Variants in ARHGAP42 observed in about 807,000 individuals in gnomAD.
ARHGAP42 encodes the protein Rho GTPase activating protein 42.
ARHGAP42 carries 63 observed loss-of-function variants against 125.0 expected under a neutral mutation model. The observed-to-expected ratio is 0.50, with a 90% CI of 0.41 to 0.62. ARHGAP42 has a LOEUF of 0.62. Ranked by LOEUF, ARHGAP42 falls within the 20% of genes least tolerant of loss-of-function variation. ARHGAP42 has a pLI of 0.00. For synonymous variants in ARHGAP42, 339 were observed against 351.0 expected (o/e 0.97, Z 0.38); for missense variants, 766 against 1,024.2 (o/e 0.75, Z 3.44).
chr11:100,984,372 G>A (rs372731976), intron 22 of ARHGAP42, among the ~76,000 whole-genome samples: 3 of 151,492 alleles, frequency 2.0e-5, no homozygotes, highest in Admixed American at 6.6e-5. Context: ...GAATACTTAA[G>A]ATTGTTGTGA....
chr11:100,847,877 G>A (rs1865107127), intron 3 of ARHGAP42, among the ~76,000 whole-genome samples: 1 of 152,140 alleles, frequency 6.6e-6, no homozygotes, highest in Non-Finnish European at 1.5e-5. Flanking sequence ...ATCTGGGTTG[G>A]AGAAAGCATT....
chr11:100,838,850 G>A (rs1202038031), intron 3 of ARHGAP42, among the ~76,000 whole-genome samples: 1 of 152,136 alleles, frequency 6.6e-6, no homozygotes, highest in Non-Finnish European at 1.5e-5. Context: ...AGTTGTGTTA[G>A]TTGATAGCCT....
intron 4 of ARHGAP42, among the ~76,000 whole-genome samples, chr11:100,875,719 G>A (rs1865808316): frequency 6.6e-6 from 1 of 151,746 alleles, no homozygotes; most frequent in Admixed American, 6.6e-5. Flanking sequence ...CCCGTCACAG[G>A]GCCTGGGGTG....
At chr11:100,983,444 A>G (rs1336886191) in intron 22 of ARHGAP42, among the ~76,000 whole-genome samples, 1 of 151,958 alleles carries the variant, frequency 6.6e-6, no homozygotes, top group Admixed American at 6.6e-5. Flanking sequence ...CTGCCCCTCT[A>G]TCTCCCCTCC....
chr11:100,691,246 C>T (rs532892931), intron 1 of ARHGAP42, among the ~76,000 whole-genome samples: 1 of 152,294 alleles, frequency 6.6e-6, no homozygotes, highest in East Asian at 1.9e-4. Flanking sequence ...ATCCTTTTAA[C>T]AGGTCTCAGT....
chr11:100,795,001 A>G, intron 2 of ARHGAP42, 104 bp from the exon 3 acceptor site: 1 of 809,444 alleles, frequency 1.2e-6, no homozygotes, highest in Non-Finnish European at 1.9e-6. Context: ...AGAATATACT[A>G]TATACAAATT....
chr11:100,810,149 G>T (rs1436204881), intron 3 of ARHGAP42, among the ~76,000 whole-genome samples: 1 of 151,810 alleles, frequency 6.6e-6, no homozygotes, highest in Non-Finnish European at 1.5e-5. Context: ...AAAAATAAGA[G>T]ACTCAAGGAT....
At chr11:100,983,187 A>G (rs1346177115) in intron 22 of ARHGAP42, among the ~76,000 whole-genome samples, 2 of 152,344 alleles carry the variant, frequency 1.3e-5, no homozygotes, top group East Asian at 3.9e-4. Context: ...TATGGATTAT[A>G]TTTATTGATA....
chr11:100,746,907 G>T (rs138662990), intron 1 of ARHGAP42, among the ~76,000 whole-genome samples: 2 of 152,292 alleles, frequency 1.3e-5, no homozygotes, highest in Non-Finnish European at 2.9e-5. Context: ...AATGGCCCAT[G>T]ATTCTGAGGG....
intron 3 of ARHGAP42, among the ~76,000 whole-genome samples, chr11:100,837,270 G>T (rs912996262): frequency 6.6e-6 from 1 of 151,882 alleles, no homozygotes; most frequent in East Asian, 1.9e-4. Context: ...AAATTAGGAA[G>T]TTTAACACAG....
At chr11:100,944,016 T>C (rs1867952408) in intron 10 of ARHGAP42, 148 bp downstream of exon 10, 1 of 579,170 alleles carries the variant, frequency 1.7e-6, no homozygotes, top group South Asian at 2.7e-5. Context: ...CATGTTGTTA[T>C]TACATGATGC....
chr11:100,930,460 A>AT (rs911775554), intron 6 of ARHGAP42, among the ~76,000 whole-genome samples: 2 of 152,142 alleles, frequency 1.3e-5, no homozygotes, highest in Non-Finnish European at 2.9e-5. Flanking sequence ...AAGGTGTATG[A>AT]TTTTTTTGTA....
chr11:100,963,313 A>G (rs1364098709), intron 16 of ARHGAP42, among the ~76,000 whole-genome samples: 2 of 152,338 alleles, frequency 1.3e-5, no homozygotes, highest in East Asian at 3.9e-4. Flanking sequence ...AAATATTAGC[A>G]GGAAGAGTTG....
At chr11:100,858,117 G>GTGTGTGTGTGTGTGTGTGTGTGTT (rs33909850) in intron 3 of ARHGAP42, among the ~76,000 whole-genome samples, 18 of 134,520 alleles carry the variant, frequency 1.3e-4, no homozygotes, top group Non-Finnish European at 1.8e-4. Flanking sequence ...GTGTGTGTGT[G>GTGTGTGTGTGTGTGTGTGTGTGTT]TGTGTGTTTA....
At chr11:100,934,328 C>T (rs544362442) in intron 7 of ARHGAP42, among the ~76,000 whole-genome samples, 1 of 151,982 alleles carries the variant, frequency 6.6e-6, no homozygotes, top group South Asian at 2.1e-4. Flanking sequence ...GTGTGTGAGA[C>T]ATGCCACCCT....
chr11:100,980,559 C>CTTCTTCT (rs1555037006), intron 22 of ARHGAP42, among the ~76,000 whole-genome samples: 1 of 51,962 alleles, frequency 1.9e-5, no homozygotes, highest in Non-Finnish European at 3.8e-5. Flanking sequence ...TTTTCTTCTT[C>CTTCTTCT]TTTTTTTTTT....
chr11:100,898,495 A>G (rs1358408044), intron 4 of ARHGAP42, among the ~76,000 whole-genome samples: 1 of 152,156 alleles, frequency 6.6e-6, no homozygotes, highest in African/African-American at 2.4e-5. Context: ...TTGGTAGGCT[A>G]TTAATTATTG....
Position 100,759,130 on chromosome 11 carries a change from C to T in ARHGAP42, c.155-11213C>T, listed in dbSNP as rs571053153. Among the ~76,000 whole-genome samples the T allele has an allele frequency of 1.8e-3, 268 of 152,166 alleles. 1 individual carries two copies. Among genetic ancestry groups the T allele is most frequent in the Admixed American group, 5.4e-3 (83 of 15,276 alleles). On this transcript the variant is annotated intron_variant, in intron 1 of 23. Transcript: ENST00000298815. ...TTGTAGGTTAGCAGGTAAAAATGTC[C>T]GGACTGCTTTTGTCAGCAGCCAGGT... is the stretch of plus-strand genomic sequence containing the variant.
At chr11:100,888,864 T>G (rs1565260643) in intron 4 of ARHGAP42, among the ~76,000 whole-genome samples, 1 of 152,118 alleles carries the variant, frequency 6.6e-6, no homozygotes, top group Non-Finnish European at 1.5e-5. Context: ...TGTGTTAGAA[T>G]CTGTTGGGTG....
Sources: gnomAD v4.1 joint callset for allele counts (sites outside exome capture counted in the v4.1 genomes callset) on GRCh38, gnomAD v4.1.1 for gene constraint, MANE v1.5 for transcripts, NCBI Gene and HGNC (gene_info 2026-07-23, HGNC 2026-07-21) for gene names.